NEK11: variants seen among roughly 807,000 people sequenced by gnomAD.
NEK11 encodes the protein serine/threonine-protein kinase Nek11.
A neutral mutation model predicts 80.7 loss-of-function variants in NEK11; 72 were observed. That is an observed-to-expected ratio of 0.89 (90% CI 0.74 to 1.08). The LOEUF is 1.08. Ranked by LOEUF, NEK11 falls within the 50% of genes least tolerant of loss-of-function variation. The pLI is 0.00. For missense variants in NEK11, 764 were observed against 763.6 expected (o/e 1.00, Z -0.01); for synonymous variants, 251 against 260.7 (o/e 0.96, Z 0.36).
chr3:131,258,247 T>C (rs1422747593), intron 16 of NEK11, among the ~76,000 whole-genome samples: 1 of 151,894 alleles, frequency 6.6e-6, no homozygotes, highest in Non-Finnish European at 1.5e-5. Context: ...CACCCAAATC[T>C]CAGAAACCAT....
intron 10 of NEK11, 141 bp from the exon 11 acceptor site, chr3:131,162,267 C>A: frequency 1.0e-6 from 1 of 1,001,170 alleles, no homozygotes; most frequent in Admixed American, 2.4e-5. Context: ...ATTACATACC[C>A]AAAGCTTATT....
intron 16 of NEK11, among the ~76,000 whole-genome samples, chr3:131,265,302 A>C (rs1321100731): frequency 6.6e-6 from 1 of 152,190 alleles, no homozygotes. Context: ...CAGTTTTCAA[A>C]GGGAATGCTT....
intron 3 of NEK11, among the ~76,000 whole-genome samples, chr3:131,044,604 G>A (rs2067097301): frequency 6.6e-6 from 1 of 151,942 alleles, no homozygotes; most frequent in African/African-American, 2.4e-5. Context: ...CAATACAGGA[G>A]CACCCAGATT....
chr3:131,028,818 T>C (rs1397220405), intron 2 of NEK11, among the ~76,000 whole-genome samples: 21 of 151,988 alleles, frequency 1.4e-4, no homozygotes, highest in Non-Finnish European at 2.8e-4. Flanking sequence ...CCTCCCAAAG[T>C]GCTGGTACTA....
chr3:131,188,417 A>C (rs1321596392), intron 14 of NEK11, among the ~76,000 whole-genome samples: 1 of 152,166 alleles, frequency 6.6e-6, no homozygotes, highest in Non-Finnish European at 1.5e-5. Flanking sequence ...TATTTTCTTA[A>C]GTGGCAGTTT....
intron 16 of NEK11, among the ~76,000 whole-genome samples, chr3:131,251,357 A>G (rs1474552189): frequency 1.3e-5 from 2 of 152,006 alleles, no homozygotes; most frequent in Non-Finnish European, 2.9e-5. Flanking sequence ...TCAATTTTTA[A>G]AAAGAGGTAA....
At chr3:131,317,712 CAGTGAAACCCTTGGGTGACAT>C (rs1235108812) in intron 17 of NEK11, among the ~76,000 whole-genome samples, 1 of 148,816 alleles carries the variant, frequency 6.7e-6, no homozygotes, top group Non-Finnish European at 1.5e-5. Flanking sequence ...CTGGGTGACA[CAGTGAAACCCTTGGGTGACAT>C]AGTGAAACCC....
intron 17 of NEK11, among the ~76,000 whole-genome samples, chr3:131,300,712 CT>C (rs1467603347): frequency 6.6e-6 from 1 of 152,006 alleles, no homozygotes; most frequent in Non-Finnish European, 1.5e-5. Context: ...CATTCCTGGG[CT>C]CTCTGTTCTG....
chr3:131,077,923 T>G (rs77268118), intron 3 of NEK11, among the ~76,000 whole-genome samples: 1 of 152,332 alleles, frequency 6.6e-6, no homozygotes, highest in East Asian at 1.9e-4. Context: ...TTCTCTAGAA[T>G]CTACTTCTTA....
At chr3:131,107,118 G>A (rs1343578046) in intron 4 of NEK11, among the ~76,000 whole-genome samples, 1 of 151,952 alleles carries the variant, frequency 6.6e-6, no homozygotes, top group African/African-American at 2.4e-5. Context: ...TTTGTGGTAT[G>A]TTGGATCCTT....
chr3:131,182,742 G>A (rs930050792), intron 14 of NEK11, among the ~76,000 whole-genome samples: 7 of 152,170 alleles, frequency 4.6e-5, no homozygotes, highest in African/African-American at 1.7e-4. Context: ...TTCATTGCAT[G>A]CATTGGCGCC....
chr3:131,084,528 C>T (rs1247271296), intron 4 of NEK11, among the ~76,000 whole-genome samples: 1 of 152,138 alleles, frequency 6.6e-6, no homozygotes, highest in Non-Finnish European at 1.5e-5. Context: ...TGGGTGAAGA[C>T]AAGGCATCTC....
intron 16 of NEK11, among the ~76,000 whole-genome samples, chr3:131,267,550 A>G (rs1415723985): frequency 6.6e-6 from 1 of 152,028 alleles, no homozygotes; most frequent in Non-Finnish European, 1.5e-5. Flanking sequence ...GTTTCTGCTG[A>G]GAGAGCCACT....
intron 3 of NEK11, among the ~76,000 whole-genome samples, chr3:131,043,558 T>C (rs1577353418): frequency 6.6e-6 from 1 of 151,994 alleles, no homozygotes; most frequent in East Asian, 1.9e-4. Context: ...AAGACAAGAT[T>C]AGAGAAAAAA....
chr3:131,336,366 G>C (rs1413126624), intron 17 of NEK11, among the ~76,000 whole-genome samples: 2 of 152,166 alleles, frequency 1.3e-5, no homozygotes, highest in African/African-American at 4.8e-5. Context: ...AAGCAATGGA[G>C]AAAGAATTCC....
chr3:131,247,665 A>T (rs2095625979), intron 16 of NEK11, among the ~76,000 whole-genome samples: 1 of 151,906 alleles, frequency 6.6e-6, no homozygotes, highest in Non-Finnish European at 1.5e-5. Context: ...GTGAAGAATG[A>T]TGGTGGTATT....
At chr3:131,283,574 A>G (rs1362092455) in intron 17 of NEK11, among the ~76,000 whole-genome samples, 1 of 151,436 alleles carries the variant, frequency 6.6e-6, no homozygotes, top group Non-Finnish European at 1.5e-5. Context: ...CTATTTTACT[A>G]TTTCAAGATT....
chr3:131,267,069 A>G (rs541742235), intron 16 of NEK11, among the ~76,000 whole-genome samples: 7 of 151,886 alleles, frequency 4.6e-5, no homozygotes, highest in African/African-American at 1.7e-4. Context: ...CTTTATTTTG[A>G]GCCTATGTGT....
intron 3 of NEK11, among the ~76,000 whole-genome samples, chr3:131,033,251 A>G (rs1251259932): frequency 6.6e-6 from 1 of 152,058 alleles, no homozygotes; most frequent in Non-Finnish European, 1.5e-5. Flanking sequence ...AGCACTACTC[A>G]TTGTCCAAGC....
Sources: gnomAD v4.1 joint callset for allele counts (sites outside exome capture counted in the v4.1 genomes callset) on GRCh38, gnomAD v4.1.1 for gene constraint, MANE v1.5 for transcripts, NCBI Gene and HGNC (gene_info 2026-07-23, HGNC 2026-07-21) for gene names.